CNTNAP3: variants seen among roughly 807,000 people sequenced by gnomAD.
The protein encoded by CNTNAP3 is contactin associated protein family member 3.
In CNTNAP3, 36 loss-of-function variants were observed where a neutral mutation model predicts 92.1. That is an observed-to-expected ratio of 0.39 (90% confidence interval 0.30 to 0.52). CNTNAP3 has a LOEUF of 0.52. Among genes scored for constraint, CNTNAP3 ranks in the 20% least tolerant of loss-of-function variants. The pLI, the probability that CNTNAP3 is intolerant of heterozygous loss-of-function variation, is 0.76. For synonymous variants in CNTNAP3, 232 were observed against 422.3 expected (o/e 0.55, Z 5.53); for missense variants, 534 against 1,069.6 (o/e 0.50, Z 6.98).
chr9:39,076,566 G>T (rs973377365), intron 23 of CNTNAP3, among the ~76,000 whole-genome samples: 82 of 152,338 alleles, frequency 5.4e-4, no homozygotes, highest in Admixed American at 4.8e-3. Context: ...AATTTAGTCA[G>T]AACTTTATTA....
intron 14 of CNTNAP3, 155 bp downstream of exon 14, chr9:39,117,948 G>C: frequency 7.2e-7 from 1 of 1,391,126 alleles, no homozygotes; most frequent in Non-Finnish European, 9.8e-7. Flanking sequence ...TTAATCCTTA[G>C]ATTAACTGAT....
intron 17 of CNTNAP3, among the ~76,000 whole-genome samples, chr9:39,101,791 A>G (rs1179397446): frequency 5.5e-4 from 84 of 151,710 alleles, no homozygotes; most frequent in African/African-American, 1.9e-3. Flanking sequence ...AGGAATGGAT[A>G]AAAATGTCTA....
In CNTNAP3 at chr9:39,100,094, T is replaced by TC; in HGVS notation, c.2811dup (p.Asn938GlufsTer48). The TC allele has an allele frequency of 6.3e-7, 1 of 1,585,076 alleles. No homozygotes were observed. Among genetic ancestry groups the TC allele is most frequent in the African/African-American group, 1.3e-5 (1 of 74,374 alleles). Reference sequence around the variant, plus strand: ...TCTTCCAGATCCAGGGCCACCCCGTTCAACTGCAGAGACCGAATGCATCCT... The same window carrying TC: ...TCTTCCAGATCCAGGGCCACCCCGTTCCAACTGCAGAGACCGAATGCATCCT... On this transcript the variant is annotated frameshift_variant, in exon 18 of 24. Coordinates refer to ENST00000297668, the MANE Select transcript of CNTNAP3 (RefSeq NM_033655.5). LOFTEE classifies it high-confidence loss of function.
chr9:39,144,149 G>A, intron 11 of CNTNAP3, 91 bp downstream of exon 11: 1 of 1,399,286 alleles, frequency 7.1e-7, no homozygotes, highest in African/African-American at 1.5e-5. Context: ...GTGTTTGCAT[G>A]ATTGCAAATA....
rs1192316412 is a variant in CNTNAP3, at chr9:39,226,942, A to G, written c.390+12051T>C. 7.2e-4 allele frequency among the ~76,000 whole-genome samples: 8 copies of G among 11,124 alleles called. 4 individuals are homozygous for G. The highest frequency in any genetic ancestry group is 1.0e-3 in the African/African-American group (8 of 7,716). 7.3% of individuals were successfully genotyped at this position (11,124 alleles called of 152,430 possible). A position where few individuals can be genotyped will look rare whatever the true frequency, so the allele number is the denominator to read the frequency against. On this transcript the variant is annotated intron_variant, in intron 3 of 23. Transcript: ENST00000297668. ...CCATGGTGTGTATGTATATGTGTGT[A>G]TATATATATACCATATTTTCTTTAT...
chr9:39,093,616 T>C (rs1296870677), intron 18 of CNTNAP3, among the ~76,000 whole-genome samples: 2 of 151,492 alleles, frequency 1.3e-5, no homozygotes, highest in African/African-American at 4.8e-5. Flanking sequence ...TGGAGTTATA[T>C]AATATCTGCC....
At chr9:39,112,355 T>C (rs1826768215) in intron 14 of CNTNAP3, among the ~76,000 whole-genome samples, 1 of 151,872 alleles carries the variant, frequency 6.6e-6, no homozygotes, top group Non-Finnish European at 1.5e-5. Context: ...AAATGTTAAG[T>C]CAACTTTTTA....
chr9:39,150,373 T>C (rs1189088949), intron 9 of CNTNAP3, among the ~76,000 whole-genome samples: 1 of 119,218 alleles, frequency 8.4e-6, no homozygotes, highest in Non-Finnish European at 1.7e-5. Flanking sequence ...AAATTTTATT[T>C]AGGATATGCT....
At chr9:39,114,019 T>G (rs1301671309) in intron 14 of CNTNAP3, among the ~76,000 whole-genome samples, 1 of 146,500 alleles carries the variant, frequency 6.8e-6, no homozygotes, top group Non-Finnish European at 1.5e-5. Flanking sequence ...TACACACATA[T>G]ATATACACAC....
chr9:39,130,292 T>G (rs1821248670), intron 13 of CNTNAP3, among the ~76,000 whole-genome samples: 2 of 151,932 alleles, frequency 1.3e-5, no homozygotes, highest in South Asian at 4.1e-4. Context: ...TGCCACCGAT[T>G]GCTAATCAGC....
intron 12 of CNTNAP3, among the ~76,000 whole-genome samples, chr9:39,136,833 G>A (rs1349055803): frequency 1.4e-4 from 22 of 152,110 alleles, no homozygotes; most frequent in Admixed American, 1.2e-3. Context: ...CCCAGTAGGC[G>A]GAGTTGTGGT....
chr9:39,087,361 C>T (rs573922992), intron 19 of CNTNAP3, among the ~76,000 whole-genome samples: 13 of 152,406 alleles, frequency 8.5e-5, no homozygotes, highest in African/African-American at 2.9e-4. Flanking sequence ...AAGGTTTTGT[C>T]AGGAGACAAG....
chr9:39,086,698 T>C lies in CNTNAP3; in HGVS notation c.3354+18A>G, dbSNP rs2183892. Reference sequence around the variant, plus strand: ...ATAATAATATTAGTTAGTTTGACTTTTGCATTTGTGGGATTACCTCTACCA... The same window carrying C: ...ATAATAATATTAGTTAGTTTGACTTCTGCATTTGTGGGATTACCTCTACCA... On this transcript the variant is annotated intron_variant, in intron 20 of 23. Transcript: ENST00000297668. The C allele has an allele frequency of 0.22, 343,933 of 1,576,114 alleles. 41,308 individuals are homozygous for C. Among genetic ancestry groups the C allele is most frequent in the East Asian group, 0.38 (16,375 of 42,918 alleles).
intron 15 of CNTNAP3, among the ~76,000 whole-genome samples, 164 bp from the exon 16 acceptor site, chr9:39,104,078 G>A (rs570114583): frequency 4.6e-5 from 7 of 152,246 alleles, no homozygotes; most frequent in South Asian, 2.1e-4. Context: ...ATGACATCAA[G>A]AGCTAAATGG....
At chr9:39,115,222 C>CT (rs1367947070) in intron 14 of CNTNAP3, among the ~76,000 whole-genome samples, 1 of 150,446 alleles carries the variant, frequency 6.6e-6, no homozygotes, top group African/African-American at 2.4e-5. Context: ...CCTGAAGAGA[C>CT]TTAAAATAGC....
At chr9:39,140,782 G>A in intron 11 of CNTNAP3, 144 bp from the exon 12 acceptor site, 1 of 1,233,012 alleles carries the variant, frequency 8.1e-7, no homozygotes, top group Non-Finnish European at 1.0e-6. Context: ...TATATTTGAT[G>A]AGATGCAAAA....
intron 12 of CNTNAP3, among the ~76,000 whole-genome samples, chr9:39,138,033 G>C (rs1325464754): frequency 1.3e-5 from 2 of 149,946 alleles, no homozygotes; most frequent in South Asian, 4.2e-4. Flanking sequence ...TTTTGTTGTT[G>C]TTGTTGTCAC....
At chr9:39,121,976 G>A (rs1326966259) in intron 13 of CNTNAP3, among the ~76,000 whole-genome samples, 1 of 152,120 alleles carries the variant, frequency 6.6e-6, no homozygotes, top group Non-Finnish European at 1.5e-5. Flanking sequence ...TTACCCAAGG[G>A]AAGGGGAAGG....
At chr9:39,101,503 TAAAGG>T (rs1826455240) in intron 17 of CNTNAP3, among the ~76,000 whole-genome samples, 1 of 140,412 alleles carries the variant, frequency 7.1e-6, no homozygotes, top group Non-Finnish European at 1.6e-5. Context: ...GTAAGCAAAC[TAAAGG>T]AAAGACTTCC....
Sources: gnomAD v4.1 joint callset for allele counts (sites outside exome capture counted in the v4.1 genomes callset) on GRCh38, gnomAD v4.1.1 for gene constraint, MANE v1.5 for transcripts, NCBI Gene and HGNC (gene_info 2026-07-23, HGNC 2026-07-21) for gene names.